EPCIP: variants seen among roughly 807,000 people sequenced by gnomAD.
EPCIP encodes the protein exosomal polycystin 1 interacting protein, also known as exosomal polycystin-1-interacting protein.
the EPCIP span, among the ~76,000 whole-genome samples, chr21:32,809,916 A>AT: frequency 3.2e-4 from 49 of 151,884 alleles, no homozygotes; most frequent in South Asian, 2.3e-3. Context: ...AAAAAAAAAA[A>AT]GAGCTTTTGT....
At chr21:32,809,282 T>A in the EPCIP span, among the ~76,000 whole-genome samples, 2 of 87,738 alleles carry the variant, frequency 2.3e-5, no homozygotes, top group African/African-American at 8.8e-5. Flanking sequence ...CCTCCTTCCT[T>A]TCTTTCTTTC....
At chr21:32,804,506 A>G in the EPCIP span, among the ~76,000 whole-genome samples, 2 of 151,900 alleles carry the variant, frequency 1.3e-5, no homozygotes, top group Non-Finnish European at 2.9e-5. Context: ...GCATGCTACA[A>G]TATACATAGT....
At chr21:32,809,147 T>G in the EPCIP span, among the ~76,000 whole-genome samples, 1 of 150,644 alleles carries the variant, frequency 6.6e-6, no homozygotes, top group African/African-American at 2.4e-5. Context: ...AGGAGAGGCA[T>G]CACGGCATGT....
the EPCIP span, chr21:32,793,906 C>A: frequency 6.2e-7 from 1 of 1,614,032 alleles, no homozygotes; most frequent in Admixed American, 1.7e-5. Context: ...TGAAAAGAGC[C>A]ATATCTAAGA....
At chr21:32,796,236 A>G in the EPCIP span, among the ~76,000 whole-genome samples, 5 of 152,176 alleles carry the variant, frequency 3.3e-5, no homozygotes, top group South Asian at 1.0e-3. Context: ...CCCGTCCTGC[A>G]TGTGAGGATG....
At chr21:32,792,051 T>C in the EPCIP span, among the ~76,000 whole-genome samples, 1 of 151,996 alleles carries the variant, frequency 6.6e-6, no homozygotes, top group African/African-American at 2.4e-5. Flanking sequence ...ATTACAGGCA[T>C]GCACCACCAC....
chr21:32,813,626 A>T, the EPCIP span: 6 of 470,934 alleles, frequency 1.3e-5, no homozygotes, highest in African/African-American at 1.2e-4. Context: ...TCGCCTCTCC[A>T]CTCCACAGAC....
chr21:32,806,045 G>C, the EPCIP span, among the ~76,000 whole-genome samples: 6 of 152,250 alleles, frequency 3.9e-5, no homozygotes, highest in Middle Eastern at 3.4e-3. Flanking sequence ...AGAGGGATGG[G>C]ACAGTGGCAT....
chr21:32,809,014 C>T, the EPCIP span, among the ~76,000 whole-genome samples: 1 of 151,948 alleles, frequency 6.6e-6, no homozygotes, highest in Non-Finnish European at 1.5e-5. Context: ...CAAATGAATT[C>T]TTCAGACCTC....
At chr21:32,810,519 C>T in the EPCIP span, 1 of 462,530 alleles carries the variant, frequency 2.2e-6, no homozygotes, top group Non-Finnish European at 4.4e-6. Context: ...CCTCGGCCTC[C>T]CAAACTGCTG....
the EPCIP span, chr21:32,813,495 C>G: frequency 3.2e-5 from 14 of 435,028 alleles, no homozygotes; most frequent in Admixed American, 7.8e-5. Flanking sequence ...TTCTTCCAAC[C>G]GTCACAGTTC....
the EPCIP span, among the ~76,000 whole-genome samples, chr21:32,804,330 G>T: frequency 6.7e-6 from 1 of 148,340 alleles, no homozygotes; most frequent in African/African-American, 2.5e-5. Flanking sequence ...ATTTTGTTTA[G>T]AGATGGGGTC....
At chr21:32,793,837 G>T in the EPCIP span, 1 of 1,614,154 alleles carries the variant, frequency 6.2e-7, no homozygotes, top group Non-Finnish European at 8.5e-7. Context: ...AGTCAGGAAA[G>T]TTGTTGGCAA....
chr21:32,794,629 A>C, the EPCIP span: 1 of 609,962 alleles, frequency 1.6e-6, no homozygotes, highest in Non-Finnish European at 2.9e-6. Flanking sequence ...CAATGCTTGC[A>C]GCCCAGGCAC....
chr21:32,809,018 A>T, the EPCIP span, among the ~76,000 whole-genome samples: 1 of 152,142 alleles, frequency 6.6e-6, no homozygotes, highest in Non-Finnish European at 1.5e-5. Context: ...TGAATTCTTC[A>T]GACCTCCTGG....
At chr21:32,807,945 A>C in the EPCIP span, among the ~76,000 whole-genome samples, 1 of 152,212 alleles carries the variant, frequency 6.6e-6, no homozygotes, top group Non-Finnish European at 1.5e-5. Flanking sequence ...GGAAGCGTGA[A>C]ATACACTTGG....
chr21:32,801,399 A>G, the EPCIP span, among the ~76,000 whole-genome samples: 756 of 152,334 alleles, frequency 5.0e-3, 4 homozygotes, highest in Middle Eastern at 0.014. Flanking sequence ...TGCCAGGCAA[A>G]TGGCCTAAGT....
the EPCIP span, chr21:32,791,582 T>G: frequency 6.6e-6 from 1 of 152,298 alleles, no homozygotes. Flanking sequence ...GGTCACATTT[T>G]TCTATTAAAA....
chr21:32,811,979 G>GC, the EPCIP span, among the ~76,000 whole-genome samples: 1 of 152,262 alleles, frequency 6.6e-6, no homozygotes, highest in Admixed American at 6.5e-5. Context: ...CCAGATGCAG[G>GC]CCCCTTGACC....
Sources: allele counts gnomAD v4.1 joint callset (sites outside exome capture counted in the v4.1 genomes callset), GRCh38; gene constraint gnomAD v4.1.1; transcripts MANE v1.5; gene names NCBI Gene and HGNC (gene_info 2026-07-23, HGNC 2026-07-21).